Variants in FSTL4 observed in about 807,000 individuals in gnomAD.
FSTL4 encodes the protein follistatin like 4.
In FSTL4, 28 loss-of-function variants were observed where a neutral mutation model predicts 78.2. The ratio of observed to expected loss-of-function variants is 0.36; its 90% CI spans 0.27 to 0.49. The LOEUF (loss-of-function observed/expected upper bound fraction) is 0.49, where lower values mean the gene tolerates loss of function less well. FSTL4 is among the 20% of genes least tolerant of loss of function. The probability of loss-of-function intolerance (pLI) is 0.98; values close to 1 mark genes in which losing one functional copy is unlikely to be tolerated. For missense variants in FSTL4, 922 were observed against 1,084.9 expected, an observed-to-expected ratio of 0.85 and a Z score of 2.11; for synonymous variants, 422 against 440.5, an observed-to-expected ratio of 0.96 and a Z score of 0.53.
At chr5:133,610,216 C>T (rs1761062616) in intron 1 of FSTL4, among the ~76,000 whole-genome samples, 1 of 152,166 alleles carries the variant, frequency 6.6e-6, no homozygotes, top group African/African-American at 2.4e-5. Context: ...CTCCAGGGCA[C>T]AGCCGAAAGG....
At chr5:133,477,651 G>C (rs1232771320) in intron 3 of FSTL4, among the ~76,000 whole-genome samples, 1 of 152,166 alleles carries the variant, frequency 6.6e-6, no homozygotes, top group African/African-American at 2.4e-5. Flanking sequence ...GAAGACACGG[G>C]GGGAAAATGA....
the FSTL4 span, among the ~76,000 whole-genome samples, chr5:133,841,197 C>T: frequency 1.3e-5 from 2 of 152,312 alleles, no homozygotes; most frequent in African/African-American, 2.4e-5. Context: ...GCTTCTTTGG[C>T]CCTGGGTATC....
chr5:133,332,973 T>A (rs1447246066), intron 4 of FSTL4, among the ~76,000 whole-genome samples: 3 of 152,106 alleles, frequency 2.0e-5, no homozygotes, highest in African/African-American at 7.2e-5. Context: ...GGAGAATAGG[T>A]CCTTGCACGT....
rs979841493 is a variant in FSTL4, at chr5:133,225,842, G to A, written c.1016-23C>T. ...GCACTGTGGGTGAGAGTCAGTGCTG[G>A]TGAGAAAGAGACGGCCCTGACCTGG... On this transcript the variant is annotated intron_variant, in intron 8 of 15. Coordinates refer to ENST00000265342, the MANE Select transcript of FSTL4 (RefSeq NM_015082.2). The surrounding 1 kb of genome is among the most constrained non-coding windows in gnomAD (Gnocchi z 4.6). 1 of 1,517,676 alleles carries A rather than the reference G, an allele frequency of 6.6e-7. No homozygotes were observed. Among genetic ancestry groups the A allele is most frequent in the South Asian group, 1.3e-5 (1 of 75,060 alleles). 94.0% of individuals were successfully genotyped at this position (1,517,676 alleles called of 1,614,324 possible).
the FSTL4 span, among the ~76,000 whole-genome samples, chr5:133,758,402 T>TG: frequency 1.3e-5 from 2 of 151,924 alleles, no homozygotes; most frequent in African/African-American, 4.8e-5. Flanking sequence ...ATAAGGAAAG[T>TG]GGGGAAGGGC....
chr5:133,730,107 G>A, the FSTL4 span, among the ~76,000 whole-genome samples: 4 of 152,184 alleles, frequency 2.6e-5, no homozygotes, highest in Admixed American at 1.3e-4. Context: ...CTGATGTGAG[G>A]TTAGCCTGGC....
chr5:133,531,774 T>C (rs540456057), intron 3 of FSTL4, among the ~76,000 whole-genome samples: 2 of 152,312 alleles, frequency 1.3e-5, no homozygotes, highest in South Asian at 4.1e-4. Flanking sequence ...TCGCTCACAG[T>C]CATATTCTCA....
intron 3 of FSTL4, among the ~76,000 whole-genome samples, chr5:133,412,267 G>A (rs370579936): frequency 6.6e-6 from 1 of 152,150 alleles, no homozygotes; most frequent in South Asian, 2.1e-4. Flanking sequence ...GAAAGCTGCT[G>A]TGATAAAATC....
the FSTL4 span, among the ~76,000 whole-genome samples, chr5:133,643,989 A>C: frequency 4.6e-5 from 7 of 152,332 alleles, no homozygotes; most frequent in East Asian, 1.4e-3. Context: ...AACACTTCTA[A>C]TACTTATTCT....
At chr5:133,307,651 C>T (rs1030638397) in intron 6 of FSTL4, among the ~76,000 whole-genome samples, 9 of 152,310 alleles carry the variant, frequency 5.9e-5, no homozygotes, top group East Asian at 3.9e-4. Flanking sequence ...TGTCCTCCAG[C>T]GCTGGCCTCA....
At chr5:133,565,642 C>A (rs73282001) in intron 3 of FSTL4, among the ~76,000 whole-genome samples, 5,576 of 152,294 alleles carry the variant, frequency 0.037, 307 homozygotes, top group African/African-American at 0.12. Context: ...AGCCTGACTA[C>A]ACCTTCACTC....
intron 3 of FSTL4, among the ~76,000 whole-genome samples, chr5:133,541,612 TACAATATGCCAC>T (rs1460122309): frequency 1.3e-5 from 2 of 152,240 alleles, no homozygotes; most frequent in African/African-American, 4.8e-5. Context: ...CTTTGAAACA[TACAATATGCCAC>T]AAATCCATTA....
At chr5:133,480,530 A>G (rs921803240) in intron 3 of FSTL4, among the ~76,000 whole-genome samples, 1 of 151,792 alleles carries the variant, frequency 6.6e-6, no homozygotes, top group Non-Finnish European at 1.5e-5. Flanking sequence ...CTCTGATTCA[A>G]CCCCAGCCAC....
At chr5:133,721,577 T>C in the FSTL4 span, among the ~76,000 whole-genome samples, 1 of 152,202 alleles carries the variant, frequency 6.6e-6, no homozygotes, top group African/African-American at 2.4e-5. Context: ...GTCTTTTTTT[T>C]CCTTTAGCAC....
At chr5:133,784,120 G>A in the FSTL4 span, among the ~76,000 whole-genome samples, 1 of 152,206 alleles carries the variant, frequency 6.6e-6, no homozygotes, top group East Asian at 1.9e-4. Context: ...ATTTAGCCCA[G>A]TGCTCCCTAA....
chr5:133,822,675 G>A, the FSTL4 span, among the ~76,000 whole-genome samples: 1 of 152,108 alleles, frequency 6.6e-6, no homozygotes, highest in African/African-American at 2.4e-5. Flanking sequence ...CGATGCTCCT[G>A]GAAAGGCAAC....
chr5:133,463,898 G>C (rs1165101451), intron 3 of FSTL4, among the ~76,000 whole-genome samples: 2 of 152,266 alleles, frequency 1.3e-5, no homozygotes, highest in African/African-American at 4.8e-5. Flanking sequence ...GGCTGGGGAA[G>C]CCAAGGACTG....
At chr5:133,286,276 T>A (rs1753127058) in intron 6 of FSTL4, among the ~76,000 whole-genome samples, 2 of 152,210 alleles carry the variant, frequency 1.3e-5, no homozygotes, top group South Asian at 4.1e-4. Flanking sequence ...TAGTGAGGAC[T>A]GAATATGTGA....
At position 133,242,960 on chromosome 5, in the gene FSTL4, A is replaced by G. The variant is rs71585577; in HGVS notation, c.894+6450T>C. Among the ~76,000 whole-genome samples, 914 of 152,352 alleles carry G rather than the reference A, an allele frequency of 6.0e-3. 5 individuals carry two copies. Among genetic ancestry groups the G allele is most frequent in the East Asian group, 0.014 (73 of 5,190 alleles). ...ATGAATTCATGACTGGTTCATATAA[A>G]GACAATAAAAATTAAATGAGTCATG... On this transcript the variant is annotated intron_variant, in intron 7 of 15. Coordinates refer to ENST00000265342, the MANE Select transcript of FSTL4 (RefSeq NM_015082.2).
Sources: gnomAD v4.1 joint callset for allele counts (sites outside exome capture counted in the v4.1 genomes callset) on GRCh38, gnomAD v4.1.1 for gene constraint, Gnocchi (gnomAD v3.1) non-coding constraint, MANE v1.5 for transcripts, NCBI Gene and HGNC (gene_info 2026-07-23, HGNC 2026-07-21) for gene names.